The following NME7 variants were observed in gnomAD, a reference collection of about 807,000 sequenced individuals.
NME7 encodes nucleoside diphosphate kinase 7.
Under a neutral mutation model 49.1 loss-of-function variants are expected in NME7, and 41 were observed. The ratio of observed to expected loss-of-function variants is 0.83; its 90% CI spans 0.65 to 1.08. The LOEUF (loss-of-function observed/expected upper bound fraction) is 1.08. Ranked by LOEUF, NME7 falls within the 50% of genes least tolerant of loss-of-function variation. The pLI is 0.00. For missense variants in NME7, 423 were observed against 463.4 expected, an observed-to-expected ratio of 0.91 and a Z score of 0.80; for synonymous variants, 139 against 150.6, an observed-to-expected ratio of 0.92 and a Z score of 0.56.
chr1:169,199,657 C>T (rs1051723474), intron 10 of NME7, among the ~76,000 whole-genome samples: 15 of 151,652 alleles, frequency 9.9e-5, no homozygotes, highest in Non-Finnish European at 1.5e-4. Context: ...CTTGTTGGTT[C>T]CTATTGTCTA....
At chr1:169,365,205 C>T (rs188141373) in intron 1 of NME7, among the ~76,000 whole-genome samples, 20 of 152,256 alleles carry the variant, frequency 1.3e-4, no homozygotes, top group African/African-American at 3.9e-4. Flanking sequence ...CAATCAGCAG[C>T]GCCCATTCCC....
intron 6 of NME7, among the ~76,000 whole-genome samples, chr1:169,297,388 TA>T (rs1437014498): frequency 6.6e-6 from 1 of 152,174 alleles, no homozygotes; most frequent in African/African-American, 2.4e-5. Flanking sequence ...GAGAAAAATC[TA>T]AAAGTACTAC....
In NME7 at chr1:169,260,043, T is replaced by G. The variant is rs192296367; in HGVS notation, c.755-22356A>C. 3.4e-4 allele frequency among the ~76,000 whole-genome samples: 46 copies of G among 133,994 alleles called. 6 individuals are homozygous for G. In the East Asian group the frequency reaches 9.1e-3, roughly 27 times the overall value. The allele number at this position is 133,994 out of a possible 152,430, so 87.9% of individuals were successfully genotyped here. A position where few individuals can be genotyped will look rare whatever the true frequency, so the allele number is the denominator to read the frequency against. ...GGGATGAGTAACTCACTTCCTATTT[T>G]GCACACATAGAAGTCACAGTACGTA... On this transcript the variant is annotated intron_variant, in intron 7 of 11. Transcript: ENST00000367811.
At chr1:169,149,356 AT>A (rs1440939153) in intron 11 of NME7, among the ~76,000 whole-genome samples, 3 of 152,070 alleles carry the variant, frequency 2.0e-5, no homozygotes, top group South Asian at 2.1e-4. Flanking sequence ...TAATAAAAAA[AT>A]AAAATAAATA....
intron 11 of NME7, among the ~76,000 whole-genome samples, chr1:169,157,482 C>T (rs1659111288): frequency 1.3e-5 from 2 of 152,180 alleles, no homozygotes; most frequent in South Asian, 4.1e-4. Context: ...TTGTTACCCT[C>T]AGCATCCATG....
At chr1:169,248,875 A>G (rs1164836570) in intron 7 of NME7, among the ~76,000 whole-genome samples, 1 of 133,792 alleles carries the variant, frequency 7.5e-6, no homozygotes, top group Non-Finnish European at 1.7e-5. Context: ...TTGTAACTAC[A>G]GCCTTGTGGC....
At chr1:169,170,283 A>C (rs187689474) in intron 10 of NME7, among the ~76,000 whole-genome samples, 42 of 152,300 alleles carry the variant, frequency 2.8e-4, no homozygotes, top group Non-Finnish European at 4.6e-4. Flanking sequence ...GTTAGAAGAA[A>C]GAAGAACAAC....
intron 10 of NME7, among the ~76,000 whole-genome samples, chr1:169,229,532 A>C (rs1647502236): frequency 6.6e-6 from 1 of 152,240 alleles, no homozygotes; most frequent in African/African-American, 2.4e-5. Context: ...ATGTTCTAAA[A>C]GATCTTTATG....
chr1:169,189,706 A>G (rs1660163100), intron 10 of NME7, among the ~76,000 whole-genome samples: 1 of 152,180 alleles, frequency 6.6e-6, no homozygotes, highest in Admixed American at 6.5e-5. Flanking sequence ...TGAAACAAAG[A>G]CTTAAAAAGA....
intron 1 of NME7, among the ~76,000 whole-genome samples, chr1:169,364,967 A>C (rs1485277360): frequency 1.3e-5 from 2 of 152,220 alleles, no homozygotes; most frequent in Non-Finnish European, 2.9e-5. Context: ...CAGAGGTCAC[A>C]AGATTTGTAA....
At chr1:169,169,612 A>C in intron 10 of NME7, 58 bp from the exon 11 acceptor site, 2 of 1,442,222 alleles carry the variant, frequency 1.4e-6, no homozygotes, top group Non-Finnish European at 1.9e-6. Context: ...AAATAAGAAA[A>C]ACACTAGCTA....
At chr1:169,186,113 A>T (rs1660058155) in intron 10 of NME7, among the ~76,000 whole-genome samples, 1 of 152,170 alleles carries the variant, frequency 6.6e-6, no homozygotes, top group Non-Finnish European at 1.5e-5. Flanking sequence ...ACTCTAGGCA[A>T]TACAGGAAGA....
At chr1:169,179,668 A>G (rs1415801462) in intron 10 of NME7, among the ~76,000 whole-genome samples, 1 of 152,222 alleles carries the variant, frequency 6.6e-6, no homozygotes, top group Non-Finnish European at 1.5e-5. Context: ...ACATGGATGG[A>G]GCTGGAGGCC....
At chr1:169,265,837 C>T (rs1037193577) in intron 7 of NME7, among the ~76,000 whole-genome samples, 5 of 132,530 alleles carry the variant, frequency 3.8e-5, no homozygotes, top group African/African-American at 1.3e-4. Flanking sequence ...ACTATGAACA[C>T]CGTTATGCAC....
intron 7 of NME7, among the ~76,000 whole-genome samples, chr1:169,281,450 C>T (rs1466923528): frequency 6.6e-6 from 1 of 152,202 alleles, no homozygotes; most frequent in Non-Finnish European, 1.5e-5. Context: ...TTATTGCTTT[C>T]TCTTGCCTTA....
chr1:169,143,882 A>AT lies in NME7; in HGVS notation c.1099-11066dup, dbSNP rs956089268. Among the ~76,000 whole-genome samples, 41 of 151,656 alleles carry AT rather than the reference A, an allele frequency of 2.7e-4. No homozygotes were observed. In the South Asian group the frequency reaches 4.4e-3, roughly 16 times the overall value. Reference sequence around the variant, plus strand: ...CTTTTCACTGCAAATATTCTCAACAATTTTTTTTTATTGTGGACAACTTTG... The same window carrying AT: ...CTTTTCACTGCAAATATTCTCAACAATTTTTTTTTTATTGTGGACAACTTTG... On this transcript the variant is annotated intron_variant, in intron 11 of 11. Transcript: ENST00000367811.
At chr1:169,180,484 A>C (rs1263874279) in intron 10 of NME7, among the ~76,000 whole-genome samples, 1 of 152,174 alleles carries the variant, frequency 6.6e-6, no homozygotes, top group Non-Finnish European at 1.5e-5. Flanking sequence ...AGATCCAACC[A>C]CTTGGGGCAA....
intron 10 of NME7, among the ~76,000 whole-genome samples, chr1:169,226,544 A>G (rs962848572): frequency 1.3e-5 from 2 of 152,012 alleles, no homozygotes; most frequent in Non-Finnish European, 2.9e-5. Context: ...CTGATTTGAA[A>G]ACCCCCATCA....
intron 3 of NME7, among the ~76,000 whole-genome samples, chr1:169,311,715 T>C (rs954484040): frequency 6.6e-6 from 1 of 152,202 alleles, no homozygotes; most frequent in Non-Finnish European, 1.5e-5. Context: ...AACATTTCAC[T>C]GACCATGGCT....
Sources: gnomAD v4.1 joint callset for allele counts (sites outside exome capture counted in the v4.1 genomes callset) on GRCh38, gnomAD v4.1.1 for gene constraint, MANE v1.5 for transcripts, NCBI Gene and HGNC (gene_info 2026-07-23, HGNC 2026-07-21) for gene names.